The following PTPRD variants were observed in gnomAD, a reference collection of about 807,000 sequenced individuals.
PTPRD encodes the protein receptor-type tyrosine-protein phosphatase delta.
PTPRD carries 34 observed loss-of-function variants against 214.5 expected under a neutral mutation model. The ratio of observed to expected loss-of-function variants is 0.16; its 90% CI spans 0.12 to 0.21. PTPRD has a LOEUF of 0.21. Ranked by LOEUF, PTPRD falls within the 10% of genes least tolerant of loss-of-function variation. The pLI is 1.00. For missense variants in PTPRD, 2,545 were observed against 2,398.7 expected (o/e 1.06, Z -1.27); for synonymous variants, 1,128 against 845.7 (o/e 1.33, Z -5.79).
chr9:9,733,298 G>T (rs548309346), intron 7 of PTPRD, among the ~76,000 whole-genome samples: 1 of 152,294 alleles, frequency 6.6e-6, no homozygotes, highest in South Asian at 2.1e-4. Context: ...TGATGATGGA[G>T]AGAGACAAAG....
intron 11 of PTPRD, among the ~76,000 whole-genome samples, chr9:8,810,541 G>A (rs1394860248): frequency 6.6e-6 from 1 of 152,146 alleles, no homozygotes; most frequent in Non-Finnish European, 1.5e-5. Context: ...TTCAGCATCA[G>A]CTGAAGCCCA....
chr9:9,210,667 G>A (rs73641260), intron 9 of PTPRD, among the ~76,000 whole-genome samples: 31,130 of 151,804 alleles, frequency 0.21, 3,513 homozygotes, highest in Middle Eastern at 0.3. Context: ...CAAATGACTT[G>A]CCACATGCCA....
chr9:9,375,321 G>A (rs1038800309), intron 9 of PTPRD, among the ~76,000 whole-genome samples: 2 of 152,132 alleles, frequency 1.3e-5, no homozygotes, highest in African/African-American at 2.4e-5. Flanking sequence ...GAAAATGGCT[G>A]GGCGCAGTGG....
At chr9:8,684,463 T>C (rs187610403) in intron 12 of PTPRD, among the ~76,000 whole-genome samples, 1 of 149,104 alleles carries the variant, frequency 6.7e-6, no homozygotes, top group East Asian at 1.9e-4. Context: ...CCTCTTTCCT[T>C]CAATGATATC....
chr9:10,017,293 C>CTT (rs895936617), intron 4 of PTPRD, among the ~76,000 whole-genome samples: 5 of 150,704 alleles, frequency 3.3e-5, no homozygotes, highest in African/African-American at 1.2e-4. Context: ...TTTATTTTAT[C>CTT]TTTTTTTTTA....
rs531703878 is a variant in PTPRD at position 8,536,011 on chromosome 9, T to C, written c.353-7232A>G. ...GCCCAGTATCTCTAAAATACAAATA[T>C]TTGAACCTTATTAGAGTTCCTTGAG... On this transcript the variant is annotated intron_variant, in intron 14 of 45. Coordinates refer to ENST00000381196, the MANE Select transcript of PTPRD (RefSeq NM_002839.4). 3.3e-5 allele frequency among the ~76,000 whole-genome samples: 5 copies of C among 152,038 alleles called. No individual in the cohort carries two copies. In the East Asian group the frequency reaches 9.7e-4, roughly 29 times the overall value.
At chr9:10,299,010 CA>C (rs762192195) in intron 3 of PTPRD, among the ~76,000 whole-genome samples, 10 of 152,068 alleles carry the variant, frequency 6.6e-5, no homozygotes, top group Non-Finnish European at 1.3e-4. Flanking sequence ...ACTGTCACTA[CA>C]TTATTAAGCT....
At chr9:10,172,484 T>C (rs1420803941) in intron 3 of PTPRD, among the ~76,000 whole-genome samples, 1 of 152,242 alleles carries the variant, frequency 6.6e-6, no homozygotes, top group African/African-American at 2.4e-5. Flanking sequence ...GTGATATTAT[T>C]TGAATCTGTT....
At chr9:9,068,097 T>C (rs1270695838) in intron 10 of PTPRD, among the ~76,000 whole-genome samples, 1 of 151,990 alleles carries the variant, frequency 6.6e-6, no homozygotes, top group African/African-American at 2.4e-5. Flanking sequence ...TAACCTTTTT[T>C]AGATTTTTTT....
chr9:10,014,749 A>C (rs1372362077), intron 4 of PTPRD, among the ~76,000 whole-genome samples: 1 of 152,062 alleles, frequency 6.6e-6, no homozygotes, highest in Non-Finnish European at 1.5e-5. Context: ...ATCCATTAAA[A>C]TTATATGATA....
intron 3 of PTPRD, among the ~76,000 whole-genome samples, chr9:10,147,273 T>TC (rs999238116): frequency 6.6e-6 from 1 of 150,930 alleles, no homozygotes; most frequent in African/African-American, 2.4e-5. Flanking sequence ...TCTTTTTTTT[T>TC]ATTATTATAC....
intron 11 of PTPRD, among the ~76,000 whole-genome samples, chr9:8,999,774 A>T (rs903916506): frequency 3.3e-5 from 5 of 152,080 alleles, no homozygotes; most frequent in African/African-American, 9.7e-5. Context: ...AGAAACAAGA[A>T]AAATATGCTC....
chr9:9,891,997 T>G (rs2153781775), intron 5 of PTPRD, among the ~76,000 whole-genome samples: 1 of 152,280 alleles, frequency 6.6e-6, no homozygotes, highest in South Asian at 2.1e-4. Context: ...CCTGTTTTCT[T>G]CATTTTATCA....
At chr9:9,646,231 C>A (rs889324513) in intron 7 of PTPRD, among the ~76,000 whole-genome samples, 7 of 151,418 alleles carry the variant, frequency 4.6e-5, no homozygotes, top group African/African-American at 1.7e-4. Context: ...GTTATCTTGC[C>A]TCTGCTCTTG....
At chr9:8,599,595 T>C (rs2094692273) in intron 14 of PTPRD, among the ~76,000 whole-genome samples, 1 of 136,086 alleles carries the variant, frequency 7.3e-6, no homozygotes, top group East Asian at 2.3e-4. Context: ...TGATGGCCCT[T>C]TCCCCCACCC....
chr9:9,028,700 T>G (rs2099595200), intron 10 of PTPRD, among the ~76,000 whole-genome samples: 1 of 151,960 alleles, frequency 6.6e-6, no homozygotes, highest in Non-Finnish European at 1.5e-5. Context: ...ATTGGCAGTC[T>G]GGCTAGGGTG....
At chr9:8,597,581 CAG>C (rs1387079683) in intron 14 of PTPRD, among the ~76,000 whole-genome samples, 1 of 152,046 alleles carries the variant, frequency 6.6e-6, no homozygotes, top group African/African-American at 2.4e-5. Context: ...AAATAAAAAA[CAG>C]AATGCATTCA....
At chr9:8,581,913 C>CAA (rs36007156) in intron 14 of PTPRD, among the ~76,000 whole-genome samples, 1,638 of 34,888 alleles carry the variant, frequency 0.047, 172 homozygotes, top group East Asian at 0.14. Context: ...ACTCAATCTC[C>CAA]AAAAAAAAAA....
rs752019967 is a variant in PTPRD at position 9,965,136 on chromosome 9, C to T, written c.-471-26526G>A. On this transcript the variant is annotated intron_variant, in intron 4 of 45. Coordinates refer to ENST00000381196, the MANE Select transcript of PTPRD (RefSeq NM_002839.4). ...GTCCAAATTAGCAAATTTTTCATAA[C>T]GTGGATAGATTCAAACTGCCCTTAA... is the stretch of plus-strand genomic sequence containing the variant. Among the ~76,000 whole-genome samples the T allele has an allele frequency of 3.9e-5, 6 of 152,128 alleles. No homozygotes were observed. In the South Asian group the frequency reaches 8.3e-4, roughly 21 times the overall value.
Sources: allele counts gnomAD v4.1 joint callset (sites outside exome capture counted in the v4.1 genomes callset), GRCh38; gene constraint gnomAD v4.1.1; transcripts MANE v1.5; gene names NCBI Gene and HGNC (gene_info 2026-07-23, HGNC 2026-07-21).